Variants in UNC13A observed in about 807,000 individuals in gnomAD.
The protein encoded by UNC13A is unc-13 homolog A.
A neutral mutation model predicts 219.7 loss-of-function variants in UNC13A; 61 were observed. The observed-to-expected ratio is 0.28, with a 90% CI of 0.23 to 0.34. The LOEUF (loss-of-function observed/expected upper bound fraction) is 0.34, where lower values mean the gene tolerates loss of function less well. Ranked by LOEUF, UNC13A falls within the 10% of genes least tolerant of loss-of-function variation. The probability of loss-of-function intolerance (pLI) is 1.00; values close to 1 mark genes in which losing one functional copy is unlikely to be tolerated. For missense variants in UNC13A, 1,476 were observed against 2,270.3 expected (o/e 0.65, Z 7.11); for synonymous variants, 920 against 884.6 (o/e 1.04, Z -0.71).
chr19:17,640,454 T>A, intron 22 of UNC13A, 57 bp downstream of exon 22: 1 of 1,514,448 alleles, frequency 6.6e-7, no homozygotes, highest in Non-Finnish European at 8.9e-7. Context: ...ACATCAGATC[T>A]GACCGGCATA....
In UNC13A at chr19:17,618,896, C is replaced by T. The variant is rs922857295; in HGVS notation, c.4329+10G>A. The T allele has an allele frequency of 2.0e-5, 33 of 1,613,804 alleles. 1 individual carries two copies. Among genetic ancestry groups the T allele is most frequent in the Non-Finnish European group, 2.7e-5 (32 of 1,179,872 alleles). On this transcript the variant is annotated intron_variant, in intron 39 of 43. Coordinates refer to ENST00000519716, the MANE Select transcript of UNC13A (RefSeq NM_001080421.3). ...AGTCCCTCACGCCATAATCTATCCC[C>T]ACTCCTCACCTTGAGTTTGGACAGC...
At chr19:17,671,258 T>G (rs2079782639) in intron 4 of UNC13A, among the ~76,000 whole-genome samples, 1 of 151,862 alleles carries the variant, frequency 6.6e-6, no homozygotes, top group Non-Finnish European at 1.5e-5. Context: ...GGGAACACAC[T>G]ATGCAAAGGT....
intron 6 of UNC13A, 149 bp downstream of exon 6, chr19:17,667,968 G>T: frequency 1.4e-6 from 1 of 731,326 alleles, no homozygotes; most frequent in Non-Finnish European, 2.2e-6. Flanking sequence ...GGACCACATG[G>T]GTCATGGATG....
At chr19:17,617,167 A>G (rs1164968822) in intron 41 of UNC13A, among the ~76,000 whole-genome samples, 1 of 151,644 alleles carries the variant, frequency 6.6e-6, no homozygotes, top group Non-Finnish European at 1.5e-5. Context: ...CAAAGTTCCC[A>G]CCCATGGACC....
Position 17,601,504 on chromosome 19 carries a change from G to C in UNC13A, c.*4550C>G, listed in dbSNP as rs2076463318. 1 of 152,470 alleles carries C rather than the reference G, an allele frequency of 6.6e-6. No homozygotes were observed. The highest frequency in any genetic ancestry group is 2.4e-5 in the African/African-American group (1 of 41,320). The allele number at this position is 152,470 out of a possible 1,614,324, so 9.4% of individuals were successfully genotyped here. A position where few individuals can be genotyped will look rare whatever the true frequency, so the allele number is the denominator to read the frequency against. On this transcript the variant is annotated 3_prime_UTR_variant, in exon 44 of 44. Transcript: ENST00000519716. ...TATTTACAGAGAAATGAAGGCGTCT[G>C]TGCAGACACTGGACCGACGGGGTAG...
At chr19:17,623,487 G>T in intron 36 of UNC13A, 55 bp downstream of exon 36, 1 of 1,482,286 alleles carries the variant, frequency 6.7e-7, no homozygotes, top group Non-Finnish European at 9.0e-7. Context: ...GCGGTGGGCC[G>T]AGTCCAGACA....
chr19:17,601,586 C>G lies in UNC13A; in HGVS notation c.*4468G>C, dbSNP rs528199683. 1.3e-5 allele frequency: 2 copies of G among 152,452 alleles called. No individual in the cohort carries two copies. The highest frequency in any genetic ancestry group is 4.8e-5 in the African/African-American group (2 of 41,556). 9.4% of individuals were successfully genotyped at this position (152,452 alleles called of 1,614,324 possible). A position where few individuals can be genotyped will look rare whatever the true frequency, so the allele number is the denominator to read the frequency against. On this transcript the variant is annotated 3_prime_UTR_variant, in exon 44 of 44. Transcript: ENST00000519716. ...TTGATTTCACATCTGCAATCACATG[C>G]TAAGAGTTGTGTGGAGGGGAAGCCT...
At chr19:17,645,009 C>CT (rs3049769) in intron 19 of UNC13A, among the ~76,000 whole-genome samples, 9,955 of 126,550 alleles carry the variant, frequency 0.079, 1,329 homozygotes, top group African/African-American at 0.26. Flanking sequence ...AGCCTGGATT[C>CT]TTTTTTTTTT....
chr19:17,638,339 G>A (rs938459529), intron 25 of UNC13A, among the ~76,000 whole-genome samples: 1 of 151,910 alleles, frequency 6.6e-6, no homozygotes, highest in East Asian at 1.9e-4. Context: ...ATGGTGGTGC[G>A]TGCCTATAGT....
intron 8 of UNC13A, among the ~76,000 whole-genome samples, chr19:17,661,296 C>T (rs1383786073): frequency 6.6e-6 from 1 of 152,054 alleles, no homozygotes; most frequent in African/African-American, 2.4e-5. Context: ...AAGTGTTTGT[C>T]AACAGTTTCA....
At chr19:17,653,966 A>G (rs991575432) in intron 11 of UNC13A, among the ~76,000 whole-genome samples, 6 of 151,604 alleles carry the variant, frequency 4.0e-5, no homozygotes, top group Non-Finnish European at 8.8e-5. Flanking sequence ...AGCTGGGACT[A>G]CAGGCGCCTG....
intron 30 of UNC13A, among the ~76,000 whole-genome samples, chr19:17,629,569 A>G (rs1599350277): frequency 3.9e-5 from 6 of 152,062 alleles, no homozygotes; most frequent in Admixed American, 3.9e-4. Context: ...CATCATATTA[A>G]CCCAGCCTCA....
chr19:17,641,800 T>C (rs2076973297), intron 20 of UNC13A, among the ~76,000 whole-genome samples: 1 of 150,344 alleles, frequency 6.7e-6, no homozygotes, highest in African/African-American at 2.5e-5. Flanking sequence ...ATCCCATACA[T>C]TGATCCGCAA....
At chr19:17,628,201 G>T in intron 31 of UNC13A, 1 of 526,452 alleles carries the variant, frequency 1.9e-6, no homozygotes, top group Non-Finnish European at 3.4e-6. Context: ...GGGTCCATGA[G>T]AGGGGCTGGG....
chr19:17,648,349 T>G, intron 16 of UNC13A, 82 bp downstream of exon 16: 1 of 1,138,346 alleles, frequency 8.8e-7, no homozygotes, highest in Non-Finnish European at 1.1e-6. Flanking sequence ...CCCATCGCCT[T>G]GCCCTTCAGC....
chr19:17,615,231 C>T (rs2076650452), intron 41 of UNC13A, among the ~76,000 whole-genome samples: 2 of 152,230 alleles, frequency 1.3e-5, no homozygotes, highest in Non-Finnish European at 2.9e-5. Flanking sequence ...TGCCTGTAAT[C>T]CCAGCACTTT....
chr19:17,638,394 G>A (rs142228542), intron 25 of UNC13A, among the ~76,000 whole-genome samples: 296 of 152,232 alleles, frequency 1.9e-3, no homozygotes, highest in Admixed American at 6.0e-3. Flanking sequence ...CTTGAGCCTG[G>A]GAGGTCGAGG....
intron 6 of UNC13A, 101 bp from the exon 7 acceptor site, chr19:17,666,805 C>T (rs1403233026): frequency 9.2e-6 from 7 of 763,818 alleles, no homozygotes; most frequent in Non-Finnish European, 1.3e-5. Flanking sequence ...TTCCCTCTAC[C>T]TCCCAAATTC....
intron 37 of UNC13A, among the ~76,000 whole-genome samples, chr19:17,620,980 A>C (rs918692914): frequency 8.5e-5 from 13 of 152,080 alleles, no homozygotes; most frequent in African/African-American, 3.1e-4. Flanking sequence ...TCCCACAGTC[A>C]GCCTGCCCCA....
Sources: allele counts gnomAD v4.1 joint callset (sites outside exome capture counted in the v4.1 genomes callset), GRCh38; gene constraint gnomAD v4.1.1; transcripts MANE v1.5; gene names NCBI Gene and HGNC (gene_info 2026-07-23, HGNC 2026-07-21).